Variants in NIPAL3 observed in about 807,000 individuals in gnomAD.
NIPAL3 encodes NIPA like domain containing 3, also known as NIPA-like protein 3.
Under a neutral mutation model 47.2 loss-of-function variants are expected in NIPAL3, and 41 were observed. That is an observed-to-expected ratio of 0.87 (90% CI 0.68 to 1.13). The LOEUF (loss-of-function observed/expected upper bound fraction) is 1.13, where lower values mean the gene tolerates loss of function less well. Among genes scored for constraint, NIPAL3 ranks in the 50% most tolerant of loss-of-function variants. The pLI is 0.00. For missense variants in NIPAL3, 449 were observed against 530.1 expected, an observed-to-expected ratio of 0.85 and a Z score of 1.50; for synonymous variants, 194 against 209.6, an observed-to-expected ratio of 0.93 and a Z score of 0.64.
chr1:24,452,922 G>A (rs1646013274), intron 6 of NIPAL3, among the ~76,000 whole-genome samples: 3 of 144,310 alleles, frequency 2.1e-5, no homozygotes, highest in Non-Finnish European at 3.0e-5. Context: ...GGCTGGTCTC[G>A]AACTCCTGAC....
chr1:24,428,429 A>C (rs6681281), intron 2 of NIPAL3, among the ~76,000 whole-genome samples: 21,908 of 152,142 alleles, frequency 0.14, 1,858 homozygotes, highest in African/African-American at 0.23. Context: ...AGGTCAGAAG[A>C]CCCCCATTCC....
rs181386494 is a variant in NIPAL3 at position 24,470,113 on chromosome 1, C to T, written c.*928C>T. ...TCACCTGTCCTCCGTCTCTCCATTACAGAGCCACAAGCCAAGCTTGAGTTA... is the reference window on the plus strand; with the variant it reads ...TCACCTGTCCTCCGTCTCTCCATTATAGAGCCACAAGCCAAGCTTGAGTTA... On this transcript the variant is annotated 3_prime_UTR_variant, in exon 12 of 12. Coordinates refer to ENST00000374399, the MANE Select transcript of NIPAL3 (RefSeq NM_020448.5). 6.6e-6 allele frequency: 1 copy of T among 152,174 alleles called. No homozygotes were observed. Among genetic ancestry groups the T allele is most frequent in the African/African-American group, 2.4e-5 (1 of 41,432 alleles). The allele number at this position is 152,174 out of a possible 1,614,324, so 9.4% of individuals were successfully genotyped here.
intron 8 of NIPAL3, among the ~76,000 whole-genome samples, chr1:24,456,501 A>C (rs1479533483): frequency 2.0e-5 from 3 of 152,152 alleles, no homozygotes; most frequent in Non-Finnish European, 4.4e-5. Flanking sequence ...CTGTAATCCC[A>C]GCTCTTTGGG....
chr1:24,450,205 C>G (rs1033148903), intron 6 of NIPAL3, among the ~76,000 whole-genome samples: 1 of 152,102 alleles, frequency 6.6e-6, no homozygotes. Context: ...CTAGGAAGGC[C>G]TGGATGGGAA....
chr1:24,428,441 G>C (rs891955396), intron 2 of NIPAL3, among the ~76,000 whole-genome samples: 10 of 152,150 alleles, frequency 6.6e-5, no homozygotes, highest in Non-Finnish European at 1.2e-4. Flanking sequence ...CCCCATTCCA[G>C]AGAGGGTCCT....
chr1:24,437,230 C>T (rs755543085), intron 2 of NIPAL3, among the ~76,000 whole-genome samples: 24 of 151,890 alleles, frequency 1.6e-4, no homozygotes, highest in Non-Finnish European at 2.9e-4. Flanking sequence ...CCAGCCTGGG[C>T]GACAGAGTGA....
intron 2 of NIPAL3, among the ~76,000 whole-genome samples, chr1:24,433,691 T>C (rs1429331492): frequency 6.6e-6 from 1 of 152,180 alleles, no homozygotes; most frequent in Non-Finnish European, 1.5e-5. Flanking sequence ...AAGAGAGACA[T>C]GGAGGCTCCA....
intron 1 of NIPAL3, among the ~76,000 whole-genome samples, chr1:24,418,927 T>G (rs1644185180): frequency 6.6e-6 from 1 of 151,992 alleles, no homozygotes; most frequent in African/African-American, 2.4e-5. Flanking sequence ...ATTGTTTTTT[T>G]TTTTTTTTTG....
chr1:24,428,579 AGTC>A (rs1228575180), intron 2 of NIPAL3, among the ~76,000 whole-genome samples: 1 of 152,158 alleles, frequency 6.6e-6, no homozygotes, highest in African/African-American at 2.4e-5. Context: ...ATTTCTACAC[AGTC>A]GTCCATACTT....
rs144375095 is a variant in NIPAL3 at position 24,445,231 on chromosome 1, G to C, written c.381G>C (p.Pro127=). The C allele has an allele frequency of 1.2e-6, 2 of 1,608,694 alleles. No homozygotes were observed. Among genetic ancestry groups the C allele is most frequent in the African/African-American group, 2.7e-5 (2 of 74,840 alleles). Residue 127 remains proline (P), a synonymous_variant, in exon 5 of 12, where the codon CCG becomes CCC. Coordinates refer to ENST00000374399, the MANE Select transcript of NIPAL3 (RefSeq NM_020448.5). The part of the protein sequence containing the change: ...GIIFIKEKWK[P]KDFLRRYVLS... The stretch of plus-strand genomic sequence containing the variant: ...TATTCATCAAGGAAAAGTGGAAACC[G>C]AAAGACTTTCTGAGTAAGTTCAGTG...
intron 1 of NIPAL3, among the ~76,000 whole-genome samples, chr1:24,418,627 G>A (rs1208845662): frequency 1.3e-5 from 2 of 152,154 alleles, no homozygotes; most frequent in Admixed American, 1.3e-4. Context: ...AAAAGTTCGG[G>A]AAGCACTGAA....
At chr1:24,428,258 A>AAGAGAGAGAGAGAGAGAGAGAGAGAG (rs56082168) in intron 2 of NIPAL3, among the ~76,000 whole-genome samples, 25 of 119,542 alleles carry the variant, frequency 2.1e-4, no homozygotes, top group East Asian at 7.9e-4. Context: ...CTCAAAAAGA[A>AAGAGAGAGAGAGAGAGAGAGAGAGAG]AGAGAGAGAG....
chr1:24,469,839 C>T lies in NIPAL3; in HGVS notation c.*654C>T, dbSNP rs1422386639. 1 of 152,274 alleles carries T rather than the reference C, an allele frequency of 6.6e-6. No homozygotes were observed. Among genetic ancestry groups the T allele is most frequent in the African/African-American group, 2.4e-5 (1 of 41,438 alleles). The allele number at this position is 152,274 out of a possible 1,614,324, so 9.4% of individuals were successfully genotyped here. A position where few individuals can be genotyped will look rare whatever the true frequency, so the allele number is the denominator to read the frequency against. On this transcript the variant is annotated 3_prime_UTR_variant, in exon 12 of 12. Transcript: ENST00000374399. ...AAACTTGGTTTTGGTCCTGTGAGGA[C>T]TACTTGTTTGTCCACCTCCTCCACC...
At chr1:24,439,007 T>A (rs1645253915) in intron 2 of NIPAL3, among the ~76,000 whole-genome samples, 1 of 150,868 alleles carries the variant, frequency 6.6e-6, no homozygotes, top group African/African-American at 2.4e-5. Context: ...ATTGTTTTTT[T>A]AAAAGGAAAC....
chr1:24,466,713 G>A (rs893950397), intron 11 of NIPAL3, among the ~76,000 whole-genome samples: 2 of 152,096 alleles, frequency 1.3e-5, no homozygotes, highest in Non-Finnish European at 2.9e-5. Flanking sequence ...TAGACTTTAG[G>A]TGTATTCCTG....
upstream of NIPAL3, chr1:24,415,561 C>T (rs1167802108): frequency 6.6e-6 from 1 of 152,344 alleles, no homozygotes; most frequent in East Asian, 1.9e-4. Flanking sequence ...CCGCACCATT[C>T]TTCCTGTGGC....
intron 7 of NIPAL3, chr1:24,453,988 G>C: frequency 2.2e-6 from 1 of 456,184 alleles, no homozygotes; most frequent in Non-Finnish European, 4.3e-6. Flanking sequence ...GGAAGAGATA[G>C]CTCCTGAATC....
At chr1:24,450,316 T>C (rs1309800503) in intron 6 of NIPAL3, among the ~76,000 whole-genome samples, 1 of 152,202 alleles carries the variant, frequency 6.6e-6, no homozygotes, top group Non-Finnish European at 1.5e-5. Context: ...ACAGTAACCA[T>C]TTCAAACTTT....
chr1:24,418,851 A>G (rs1022062182), intron 1 of NIPAL3, among the ~76,000 whole-genome samples: 2 of 150,594 alleles, frequency 1.3e-5, no homozygotes, highest in African/African-American at 4.9e-5. Context: ...CCATGGATGT[A>G]GCTTTTCTTC....
Sources: gnomAD v4.1 joint callset for allele counts (sites outside exome capture counted in the v4.1 genomes callset) on GRCh38, gnomAD v4.1.1 for gene constraint, MANE v1.5 for transcripts, NCBI Gene and HGNC (gene_info 2026-07-23, HGNC 2026-07-21) for gene names.